Variants in ROR1 observed in about 807,000 individuals in gnomAD.
ROR1 encodes ROR family WNT receptor 1.
A neutral mutation model predicts 78.8 loss-of-function variants in ROR1; 19 were observed. The observed-to-expected ratio is 0.24, with a 90% CI of 0.17 to 0.35. The LOEUF (loss-of-function observed/expected upper bound fraction) is 0.35. Ranked by LOEUF, ROR1 falls within the 10% of genes least tolerant of loss-of-function variation. ROR1 has a pLI of 1.00. For missense variants in ROR1, 917 were observed against 1,177.8 expected, an observed-to-expected ratio of 0.78 and a Z score of 3.24; for synonymous variants, 386 against 433.6, an observed-to-expected ratio of 0.89 and a Z score of 1.36.
intron 1 of ROR1, among the ~76,000 whole-genome samples, chr1:63,950,496 C>T (rs531600344): frequency 3.9e-5 from 6 of 152,312 alleles, no homozygotes; most frequent in Non-Finnish European, 7.4e-5. Context: ...TCACTTTCAT[C>T]GCCATCTTGG....
chr1:63,923,150 TC>T lies in ROR1; in HGVS notation c.92-86152del, dbSNP rs545287976. 1.8e-4 allele frequency among the ~76,000 whole-genome samples: 27 copies of T among 152,310 alleles called. No individual in the cohort carries two copies. The East Asian group carries it at 5.0e-3, about 28-fold the overall frequency. ...TGCGTGTGACACCTGCCCTTGGGCT[TC>T]CCAGCGTGGCACTTCAGCCCCTCTT... is the stretch of plus-strand genomic sequence containing the variant. On this transcript the variant is annotated intron_variant, in intron 1 of 8. Coordinates refer to ENST00000371079, the MANE Select transcript of ROR1 (RefSeq NM_005012.4).
chr1:64,154,845 C>T (rs1649728593), intron 7 of ROR1, among the ~76,000 whole-genome samples: 2 of 152,084 alleles, frequency 1.3e-5, no homozygotes, highest in South Asian at 2.1e-4. Context: ...AATTTCCAGC[C>T]GATTTTCTCT....
At chr1:63,925,135 G>A (rs1645690872) in intron 1 of ROR1, among the ~76,000 whole-genome samples, 2 of 149,448 alleles carry the variant, frequency 1.3e-5, no homozygotes, top group South Asian at 4.2e-4. Context: ...CTAGCATTAG[G>A]TATATCTCCC....
At chr1:64,090,026 C>T (rs1196687314) in intron 4 of ROR1, among the ~76,000 whole-genome samples, 2 of 152,124 alleles carry the variant, frequency 1.3e-5, no homozygotes, top group African/African-American at 4.8e-5. Flanking sequence ...GTAAGATGTG[C>T]CTTTCATCTT....
chr1:64,021,154 T>C (rs1179058746), intron 2 of ROR1, among the ~76,000 whole-genome samples: 2 of 152,138 alleles, frequency 1.3e-5, no homozygotes, highest in African/African-American at 4.8e-5. Flanking sequence ...TTTCATTATC[T>C]GTGGGCCCAA....
Position 64,053,945 on chromosome 1 carries a change from GTTTTA to G in ROR1, c.482+3249_482+3253del, listed in dbSNP as rs974882808. ...ATTAGACAAATTTGTTTTTCTTTTT[GTTTTA>G]TTTTATTTTATTTTATTTTGAAACA... On this transcript the variant is annotated intron_variant, in intron 4 of 8. Coordinates refer to ENST00000371079, the MANE Select transcript of ROR1 (RefSeq NM_005012.4). Among the ~76,000 whole-genome samples the G allele has an allele frequency of 2.0e-3, 311 of 151,912 alleles. 1 individual carries two copies. The highest frequency in any genetic ancestry group is 6.8e-3 in the African/African-American group (283 of 41,380).
chr1:63,801,837 G>T (rs1557503530), intron 1 of ROR1, among the ~76,000 whole-genome samples: 1 of 152,292 alleles, frequency 6.6e-6, no homozygotes, highest in Admixed American at 6.5e-5. Flanking sequence ...TTTCCTTTGA[G>T]CTGGGTCTGA....
At chr1:63,805,650 T>A (rs1644824075) in intron 1 of ROR1, among the ~76,000 whole-genome samples, 1 of 152,222 alleles carries the variant, frequency 6.6e-6, no homozygotes, top group Non-Finnish European at 1.5e-5. Flanking sequence ...TGTTTTGTCG[T>A]GATAAGAATA....
intron 1 of ROR1, among the ~76,000 whole-genome samples, chr1:63,812,913 G>A (rs1644869104): frequency 6.6e-6 from 1 of 152,156 alleles, no homozygotes; most frequent in Admixed American, 6.5e-5. Context: ...AAGGCATTGA[G>A]CACAGGGTCC....
chr1:64,028,192 A>T lies in ROR1; in HGVS notation c.163+18816A>T, dbSNP rs190794157. On this transcript the variant is annotated intron_variant, in intron 2 of 8. Transcript: ENST00000371079. ...TGTTTCTCTGAACTTTAAGGTCAGC[A>T]TTCCCATTTTGTCACATTAATTCAC... 1.5e-3 allele frequency among the ~76,000 whole-genome samples: 233 copies of T among 152,324 alleles called. 3 individuals carry two copies. The highest frequency in any genetic ancestry group is 5.4e-3 in the African/African-American group (223 of 41,578).
intron 2 of ROR1, among the ~76,000 whole-genome samples, chr1:64,016,161 C>T (rs186358342): frequency 1.4e-4 from 22 of 152,200 alleles, no homozygotes; most frequent in Middle Eastern, 6.8e-3. Flanking sequence ...AGGGTTTTCA[C>T]CTGTTGAAAG....
intron 2 of ROR1, among the ~76,000 whole-genome samples, chr1:64,013,835 T>C (rs1020333513): frequency 6.6e-6 from 1 of 152,276 alleles, no homozygotes. Flanking sequence ...AGGGTTTGCC[T>C]TATCTATTGT....
chr1:63,908,453 G>C (rs193172788), intron 1 of ROR1, among the ~76,000 whole-genome samples: 3 of 152,292 alleles, frequency 2.0e-5, no homozygotes, highest in Admixed American at 2.0e-4. Context: ...GCAAAATACA[G>C]ATGTGCAAAA....
chr1:63,815,105 C>G (rs987049911), intron 1 of ROR1, among the ~76,000 whole-genome samples: 7 of 152,158 alleles, frequency 4.6e-5, no homozygotes, highest in Non-Finnish European at 5.9e-5. Context: ...TTTGTTTTTG[C>G]AAATGCACTA....
chr1:63,909,386 T>C (rs1645552459), intron 1 of ROR1, among the ~76,000 whole-genome samples: 1 of 152,156 alleles, frequency 6.6e-6, no homozygotes, highest in Non-Finnish European at 1.5e-5. Context: ...TGAAGAAAAG[T>C]AGTATATTGA....
At chr1:63,826,686 T>C (rs1392414098) in intron 1 of ROR1, among the ~76,000 whole-genome samples, 1 of 152,042 alleles carries the variant, frequency 6.6e-6, no homozygotes, top group African/African-American at 2.4e-5. Context: ...TTCACAATGG[T>C]TGAACTAATT....
intron 1 of ROR1, among the ~76,000 whole-genome samples, chr1:63,858,416 C>T (rs1426709309): frequency 6.6e-6 from 1 of 152,114 alleles, no homozygotes; most frequent in African/African-American, 2.4e-5. Flanking sequence ...TCTCATTCTA[C>T]CTCTCAGCTA....
chr1:63,900,284 T>A (rs180834594), intron 1 of ROR1, among the ~76,000 whole-genome samples: 87 of 152,080 alleles, frequency 5.7e-4, no homozygotes, highest in Middle Eastern at 3.4e-3. Context: ...TGAAACCTTG[T>A]CTCTACTAAA....
intron 1 of ROR1, among the ~76,000 whole-genome samples, chr1:63,924,932 CTTTTTTTT>C (rs751680204): frequency 4.7e-5 from 4 of 85,040 alleles, no homozygotes; most frequent in Middle Eastern, 0.01. Context: ...AAAGGGGATG[CTTTTTTTT>C]TTTTTTTTTT....
Sources: gnomAD v4.1 joint callset for allele counts (sites outside exome capture counted in the v4.1 genomes callset) on GRCh38, gnomAD v4.1.1 for gene constraint, MANE v1.5 for transcripts, NCBI Gene and HGNC (gene_info 2026-07-23, HGNC 2026-07-21) for gene names.